Variants in EPN1 observed in about 807,000 individuals in gnomAD.
EPN1 encodes the protein epsin 1.
Under a neutral mutation model 56.9 loss-of-function variants are expected in EPN1, and 25 were observed. The observed-to-expected ratio is 0.44, with a 90% CI of 0.32 to 0.61. The LOEUF is 0.61. Among genes scored for constraint, EPN1 ranks in the 20% least tolerant of loss-of-function variants. EPN1 has a pLI of 0.05. For missense variants in EPN1, 785 were observed against 823.7 expected, an observed-to-expected ratio of 0.95 and a Z score of 0.58; for synonymous variants, 411 against 361.8, an observed-to-expected ratio of 1.14 and a Z score of -1.54.
In EPN1 at chr19:55,685,616, C is replaced by A; in HGVS notation, c.449C>A (p.Thr150Asn). The part of the protein sequence containing the change: ...LREERAHALK[T>N]KEKLAQTATA... ...GAAGAGCGGGCGCACGCGCTCAAGA[C>A]CAAGGAAAAGCTGGCACAGACCGCC... is the stretch of plus-strand genomic sequence containing the variant. Residue 150 changes from threonine to asparagine, a missense_variant, in exon 3 of 11, where the codon ACC becomes AAC. Coordinates refer to ENST00000270460, the MANE Select transcript of EPN1 (RefSeq NM_001130072.2). The A allele has an allele frequency of 6.2e-7, 1 of 1,602,404 alleles. No homozygotes were observed. The highest frequency in any genetic ancestry group is 8.5e-7 in the Non-Finnish European group (1 of 1,175,528).
chr19:55,680,631 C>G (rs529483158), intron 2 of EPN1: 3 of 152,486 alleles, frequency 2.0e-5, no homozygotes, highest in South Asian at 2.1e-4. Context: ...GCACGTGTCA[C>G]TGTTGTCCCT....
chr19:55,678,790 G>C lies in EPN1; in HGVS notation c.163G>C (p.Glu55Gln). 6.2e-7 allele frequency: 1 copy of C among 1,614,128 alleles called. No homozygotes were observed. Among genetic ancestry groups the C allele is most frequent in the Non-Finnish European group, 8.5e-7 (1 of 1,180,022 alleles). ...DLTYNVVAFS[E>Q]IMSMIWKRLN... ...CACCTACAACGTTGTCGCCTTCTCG[G>C]AGATCATGAGCATGATCTGGAAGCG... The change falls in exon 2 of 11, where the codon GAG becomes CAG. Residue 55 changes from glutamate (E) to glutamine (Q), a missense_variant. Around this residue, in one of 2 missense-constraint regions of EPN1, gnomAD observed 135 missense variants for 218.7 expected, o/e 0.62. Coordinates refer to ENST00000270460, the MANE Select transcript of EPN1 (RefSeq NM_001130072.2).
chr19:55,685,563 C>T lies in EPN1; in HGVS notation c.396C>T (p.Ala132=). 1 of 1,610,900 alleles carries T rather than the reference C, an allele frequency of 6.2e-7. No homozygotes were observed. The highest frequency in any genetic ancestry group is 8.5e-7 in the Non-Finnish European group (1 of 1,178,682). ...NVREKAKQLV[A]LLRDEDRLRE... is the part of the protein sequence containing the mutation. ...GTGAGAAAGCTAAGCAGCTGGTGGC[C>T]CTGCTGCGCGACGAGGACCGGCTGC... The change falls in exon 3 of 11, where the codon GCC becomes GCT. Residue 132 remains alanine, a synonymous_variant. Transcript: ENST00000270460.
At chr19:55,683,302 G>A (rs552180551) in intron 2 of EPN1, among the ~76,000 whole-genome samples, 4 of 151,854 alleles carry the variant, frequency 2.6e-5, no homozygotes, top group African/African-American at 7.2e-5. Flanking sequence ...TGATCTGCCC[G>A]CCTTGGCCTC....
intron 2 of EPN1, among the ~76,000 whole-genome samples, chr19:55,684,008 T>G (rs950865530): frequency 6.6e-6 from 1 of 152,246 alleles, no homozygotes; most frequent in Admixed American, 6.5e-5. Flanking sequence ...CCAGGAGTTG[T>G]GGACCTGGGA....
Position 55,708,966 on chromosome 19 carries a change from A to G in EPN1, c.*13610A>G. On this transcript the variant is annotated 3_prime_UTR_variant, in exon 11 of 11. Transcript: ENST00000270460. ...CCTCGTCAATCCAAGGTCCATGTGA[A>G]ATGGTCAGATGGGGAATTTTTTCTT... The G allele has an allele frequency of 1.3e-6, 2 of 1,591,104 alleles. No homozygotes were observed. Among genetic ancestry groups the G allele is most frequent in the Non-Finnish European group, 1.7e-6 (2 of 1,171,242 alleles).
Position 55,691,736 on chromosome 19 carries a change from C to A in EPN1, c.763-18C>A, listed in dbSNP as rs372469349. ...CCCACCACTTCTTCATGCTCCTTCTCTTCTCTCTCCCCCACAGTCGTCCCT... is the reference window on the plus strand; with the variant it reads ...CCCACCACTTCTTCATGCTCCTTCTATTCTCTCTCCCCCACAGTCGTCCCT... On this transcript the variant is annotated intron_variant, in intron 6 of 10. Transcript: ENST00000270460. The surrounding 1 kb of genome is among the most constrained non-coding windows in gnomAD (Gnocchi z 5.6). The A allele has an allele frequency of 6.9e-6, 11 of 1,605,558 alleles. No homozygotes were observed. The African/African-American group carries it at 1.2e-4, about 18-fold the overall frequency.
chr19:55,696,758 G>A lies in EPN1; in HGVS notation c.*1402G>A. ...GTCCGAGCAGCGTCGTGGCCACCCT[G>A]TGTGCCCACTCCCTGGTGGACAGAC... On this transcript the variant is annotated 3_prime_UTR_variant, in exon 11 of 11. Coordinates refer to ENST00000270460, the MANE Select transcript of EPN1 (RefSeq NM_001130072.2). 6.6e-6 allele frequency: 1 copy of A among 152,320 alleles called. No homozygotes were observed. The highest frequency in any genetic ancestry group is 1.9e-4 in the East Asian group (1 of 5,194). The allele number at this position is 152,320 out of a possible 1,614,324, so 9.4% of individuals were successfully genotyped here.
chr19:55,694,498 C>G lies in EPN1; in HGVS notation c.1265-228C>G. ...AGAGGGTGACACCTGCTTCTGTCAT[C>G]CCTCTTGTGTTTGCTCACTGGAATC... is the stretch of plus-strand genomic sequence containing the variant. On this transcript the variant is annotated intron_variant, in intron 9 of 10. Transcript: ENST00000270460. The surrounding 1 kb of genome is among the most constrained non-coding windows in gnomAD (Gnocchi z 4.2). 2.2e-6 allele frequency: 1 copy of G among 453,780 alleles called. No homozygotes were observed. Among genetic ancestry groups the G allele is most frequent in the Non-Finnish European group, 3.8e-6 (1 of 263,490 alleles). 28.1% of individuals were successfully genotyped at this position (453,780 alleles called of 1,614,324 possible).
chr19:55,695,218 C>A lies in EPN1; in HGVS notation c.1593C>A (p.Asn531Lys). ...CGCCTCCCGCGACGCTCACCCTGAA[C>A]CAGCTCCGTCTCAGTCCTGTGCCTC... is the stretch of plus-strand genomic sequence containing the variant. Reference protein sequence around the residue: ...QPAPPATLTLNQLRLSPVPPV... With the variant: ...QPAPPATLTLKQLRLSPVPPV... The change falls in exon 11 of 11, where the codon AAC becomes AAA. Residue 531 changes from asparagine to lysine, a missense_variant. Physicochemically the swap from Asn to Lys is moderately conservative, Grantham distance 94. Around this residue, in one of 2 missense-constraint regions of EPN1, gnomAD observed 650 missense variants for 605.0 expected, o/e 1.07. Coordinates refer to ENST00000270460, the MANE Select transcript of EPN1 (RefSeq NM_001130072.2). This position sits in a 1 kb window ranked among gnomAD's most constrained non-coding sequence, Gnocchi z 4.4. The A allele has an allele frequency of 6.2e-7, 1 of 1,613,462 alleles. No homozygotes were observed. Among genetic ancestry groups the A allele is most frequent in the Non-Finnish European group, 8.5e-7 (1 of 1,179,838 alleles).
chr19:55,689,097 T>C lies in EPN1; in HGVS notation c.603+103T>C. 2.1e-6 allele frequency: 3 copies of C among 1,424,954 alleles called. No individual in the cohort carries two copies. The highest frequency in any genetic ancestry group is 2.8e-6 in the Non-Finnish European group (3 of 1,073,850). The allele number at this position is 1,424,954 out of a possible 1,614,324, so 88.3% of individuals were successfully genotyped here. A position where few individuals can be genotyped will look rare whatever the true frequency, so the allele number is the denominator to read the frequency against. On this transcript the variant is annotated intron_variant, in intron 4 of 10. Transcript: ENST00000270460. The surrounding 1 kb of genome is among the most constrained non-coding windows in gnomAD (Gnocchi z 5.7). ...TGGGCCTGGCCCTCACTGTCGCTGC[T>C]CCACATGCTGTCACTCGTCTCCTCC...
intron 2 of EPN1, 100 bp from the exon 3 acceptor site, chr19:55,685,296 C>A: frequency 1.4e-6 from 2 of 1,457,534 alleles, no homozygotes; most frequent in Non-Finnish European, 9.2e-7. Flanking sequence ...GGGTTGTGGG[C>A]CTTGCGCCCA....
At chr19:55,690,755 G>C (rs968050641) in intron 6 of EPN1, among the ~76,000 whole-genome samples, 8 of 152,220 alleles carry the variant, frequency 5.3e-5, no homozygotes, top group African/African-American at 1.9e-4. Flanking sequence ...AGTTTGAGGG[G>C]TGGGGACAAG....
At chr19:55,690,485 C>T (rs1250983896) in intron 6 of EPN1, among the ~76,000 whole-genome samples, 5 of 152,246 alleles carry the variant, frequency 3.3e-5, no homozygotes, top group East Asian at 1.9e-4. Flanking sequence ...TCAGTACTTC[C>T]CTGTGACGGG....
chr19:55,689,178 C>A lies in EPN1; in HGVS notation c.604-119C>A. 8.9e-7 allele frequency: 1 copy of A among 1,124,870 alleles called. No individual in the cohort carries two copies. Among genetic ancestry groups the A allele is most frequent in the South Asian group, 1.5e-5 (1 of 68,070 alleles). 69.7% of individuals were successfully genotyped at this position (1,124,870 alleles called of 1,614,324 possible). On this transcript the variant is annotated intron_variant, in intron 4 of 10. Coordinates refer to ENST00000270460, the MANE Select transcript of EPN1 (RefSeq NM_001130072.2). This position sits in a 1 kb window ranked among gnomAD's most constrained non-coding sequence, Gnocchi z 5.7. ...CCTCTGCGTGTCACTCTCTGCCTGT[C>A]CCTCACTGGTTCAGGGACCCCCAGC...
rs751801227 is a variant in EPN1, at chr19:55,685,473, C to T, written c.306C>T (p.Ala102=). 9.9e-6 allele frequency: 16 copies of T among 1,612,070 alleles called. No homozygotes were observed. The highest frequency in any genetic ancestry group is 3.3e-5 in the Admixed American group (2 of 59,790). ...VSQQCKENMY[A]VQTLKDFQYV... Reference sequence around the variant, plus strand: ...AGCAGTGCAAGGAGAACATGTACGCCGTGCAGACGCTGAAGGACTTCCAGT... The same window carrying T: ...AGCAGTGCAAGGAGAACATGTACGCTGTGCAGACGCTGAAGGACTTCCAGT... The change falls in exon 3 of 11, where the codon GCC becomes GCT. Residue 102 remains alanine (A), a synonymous_variant. Coordinates refer to ENST00000270460, the MANE Select transcript of EPN1 (RefSeq NM_001130072.2).
rs1362034006 is a variant in EPN1, at chr19:55,691,661, C to T, written c.763-93C>T. The T allele has an allele frequency of 1.7e-6, 2 of 1,167,954 alleles. No homozygotes were observed. Among genetic ancestry groups the T allele is most frequent in the East Asian group, 2.5e-5 (1 of 40,690 alleles). 72.3% of individuals were successfully genotyped at this position (1,167,954 alleles called of 1,614,324 possible). A position where few individuals can be genotyped will look rare whatever the true frequency, so the allele number is the denominator to read the frequency against. ...TGGCTGCTGTCTGGACACCCAGGGC[C>T]TGGCCGCCTCCCCCGCCACGGGCCC... On this transcript the variant is annotated intron_variant, in intron 6 of 10. Transcript: ENST00000270460. The surrounding 1 kb of genome is among the most constrained non-coding windows in gnomAD (Gnocchi z 5.6).
rs1336655816 is a variant in EPN1 at position 55,696,230 on chromosome 19, G to T, written c.*874G>T. 1 of 152,406 alleles carries T rather than the reference G, an allele frequency of 6.6e-6. No homozygotes were observed. The highest frequency in any genetic ancestry group is 1.5e-5 in the Non-Finnish European group (1 of 68,210). The allele number at this position is 152,406 out of a possible 1,614,324, so 9.4% of individuals were successfully genotyped here. ...CCGGCTGAGCTGAGTGGACCACCAGGCGCCTCCTGGTTGTCCTCTGTGTGC... is the reference window on the plus strand; with the variant it reads ...CCGGCTGAGCTGAGTGGACCACCAGTCGCCTCCTGGTTGTCCTCTGTGTGC... On this transcript the variant is annotated 3_prime_UTR_variant, in exon 11 of 11. Coordinates refer to ENST00000270460, the MANE Select transcript of EPN1 (RefSeq NM_001130072.2).
rs865828277 is a variant in EPN1 at position 55,707,347 on chromosome 19, A to C, written c.*11991A>C. ...AAAAAGCAGACCCTGACTCTAAAAC[A>C]AAAGAAAGAACAAATAACAAATGAA... is the stretch of plus-strand genomic sequence containing the variant. On this transcript the variant is annotated 3_prime_UTR_variant, in exon 11 of 11. Transcript: ENST00000270460. The C allele has an allele frequency of 6.6e-6, 1 of 152,188 alleles. No individual in the cohort carries two copies. The highest frequency in any genetic ancestry group is 1.5e-5 in the Non-Finnish European group (1 of 68,054). The allele number at this position is 152,188 out of a possible 1,614,324, so 9.4% of individuals were successfully genotyped here.
Sources: gnomAD v4.1 joint callset for allele counts (sites outside exome capture counted in the v4.1 genomes callset) on GRCh38, gnomAD v4.1.1 for gene constraint, gnomAD v4.1.1 regional missense constraint, Gnocchi (gnomAD v3.1) non-coding constraint, MANE v1.5 for transcripts, NCBI Gene and HGNC (gene_info 2026-07-23, HGNC 2026-07-21) for gene names.